Variants in PPP1R13B observed in about 807,000 individuals in gnomAD.
PPP1R13B encodes apoptosis-stimulating of p53 protein 1.
PPP1R13B carries 44 observed loss-of-function variants against 119.8 expected under a neutral mutation model. That is an observed-to-expected ratio of 0.37 (90% confidence interval 0.29 to 0.47). The LOEUF is 0.47. PPP1R13B is among the 20% of genes least tolerant of loss of function. The probability of loss-of-function intolerance (pLI) is 0.99; values close to 1 mark genes in which losing one functional copy is unlikely to be tolerated. For synonymous variants in PPP1R13B, 542 were observed against 561.5 expected, an observed-to-expected ratio of 0.97 and a Z score of 0.49; for missense variants, 1,227 against 1,413.5, an observed-to-expected ratio of 0.87 and a Z score of 2.12.
intron 1 of PPP1R13B, 61 bp downstream of exon 1, chr14:103,847,238 G>A (rs2087069557): frequency 2.7e-6 from 3 of 1,120,734 alleles, no homozygotes; most frequent in East Asian, 5.2e-5. Context: ...GCGGGAGGAA[G>A]GAGGTTTGGC....
intron 3 of PPP1R13B, among the ~76,000 whole-genome samples, chr14:103,783,260 T>C (rs889950357): frequency 1.3e-5 from 2 of 152,136 alleles, no homozygotes; most frequent in African/African-American, 4.8e-5. Context: ...GGTTTTGTTT[T>C]ATTTATATGT....
chr14:103,754,058 G>C lies in PPP1R13B; in HGVS notation c.631+12C>G. On this transcript the variant is annotated intron_variant, in intron 6 of 16. Coordinates refer to ENST00000202556, the MANE Select transcript of PPP1R13B (RefSeq NM_015316.3). The stretch of plus-strand genomic sequence containing the variant: ...GTGAGAGTGGTGTCGAGGGGGTGTT[G>C]CAGGCACGTACACAGATTGCCGTTC... 1 of 1,611,102 alleles carries C rather than the reference G, an allele frequency of 6.2e-7. No individual in the cohort carries two copies. The highest frequency in any genetic ancestry group is 8.5e-7 in the Non-Finnish European group (1 of 1,178,034).
At chr14:103,789,288 G>A (rs533065716) in intron 2 of PPP1R13B, among the ~76,000 whole-genome samples, 6 of 151,958 alleles carry the variant, frequency 3.9e-5, no homozygotes, top group Non-Finnish European at 7.4e-5. Flanking sequence ...GCATGATCTC[G>A]GCTCACTGCA....
chr14:103,739,318 G>A (rs1024184872), intron 12 of PPP1R13B: 1 of 393,144 alleles, frequency 2.5e-6, no homozygotes, highest in South Asian at 6.7e-5. Context: ...GGGAGGGAGG[G>A]TGGCGTGTGA....
chr14:103,796,284 A>AAAAT (rs1036328319), intron 2 of PPP1R13B, among the ~76,000 whole-genome samples: 76 of 152,228 alleles, frequency 5.0e-4, no homozygotes, highest in African/African-American at 8.9e-4. Context: ...CACTGTCTCA[A>AAAAT]AAATAAATAA....
chr14:103,841,917 C>T (rs1268658468), intron 1 of PPP1R13B, among the ~76,000 whole-genome samples: 1 of 152,208 alleles, frequency 6.6e-6, no homozygotes, highest in African/African-American at 2.4e-5. Flanking sequence ...ACCACATCCA[C>T]CTCATTTTAC....
chr14:103,838,050 C>T (rs1358522273), intron 1 of PPP1R13B, among the ~76,000 whole-genome samples: 3 of 151,318 alleles, frequency 2.0e-5, no homozygotes, highest in Admixed American at 6.6e-5. Flanking sequence ...ACCTAGGAGG[C>T]GAAGGTTGCA....
In PPP1R13B at chr14:103,736,046, C is replaced by T. The variant is rs371159743; in HGVS notation, c.3188G>A (p.Arg1063His). 38 of 1,614,078 alleles carry T rather than the reference C, an allele frequency of 2.4e-5. No homozygotes were observed. The highest frequency in any genetic ancestry group is 5.3e-5 in the African/African-American group (4 of 74,934). ...CACATAGCCCTCCCGGTCTCCAAGG[C>T]GAGCCCACCACCACTCAGTCTCGCT... is the stretch of plus-strand genomic sequence containing the variant. ...DESETEWWWA[R>H]LGDREGYVPK... The change falls in exon 16 of 17, where the codon CGC (arginine) becomes CAC (histidine). Residue 1063 changes from arginine to histidine, a missense_variant. By Grantham distance (29) the Arg-to-His change is conservative. Transcript: ENST00000202556.
chr14:103,740,265 GGGGCCCTC>G lies in PPP1R13B; in HGVS notation c.2143_2150del (p.Glu715ArgfsTer67). 1 of 1,602,868 alleles carries G rather than the reference GGGGCCCTC, an allele frequency of 6.2e-7. No individual in the cohort carries two copies. Among genetic ancestry groups the G allele is most frequent in the African/African-American group, 1.3e-5 (1 of 74,582 alleles). On this transcript the variant is annotated frameshift_variant, in exon 12 of 17. Transcript: ENST00000202556. LOFTEE classifies it high-confidence loss of function. The surrounding 1 kb of genome is among the most constrained non-coding windows in gnomAD (Gnocchi z 4.6). ...GCAGCTTCTGGATGTTGGGCCCGCC[GGGGCCCTC>G]GGGCTCTGTGATGGAGCTGCGCTTT...
At chr14:103,811,105 A>G (rs2086144716) in intron 1 of PPP1R13B, among the ~76,000 whole-genome samples, 1 of 148,670 alleles carries the variant, frequency 6.7e-6, no homozygotes, top group South Asian at 2.1e-4. Context: ...AAAAAAAAAA[A>G]AAAAAAAAAA....
Position 103,746,291 on chromosome 14 carries a change from T to TGGGGGGGGGGGGGGGGGGGGGGGGGGGG in PPP1R13B, c.1150+81_1150+82insCCCCCCCCCCCCCCCCCCCCCCCCCCCC. ...TGTGTGGGGCAGAGCCTCAGGAGCC[T>TGGGGGGGGGGGGGGGGGGGGGGGGGGGG]GCCCCACCCCCCGCCCCTCCACCGC... is the stretch of plus-strand genomic sequence containing the variant. On this transcript the variant is annotated intron_variant, in intron 9 of 16. Transcript: ENST00000202556. 49 of 272,100 alleles carry TGGGGGGGGGGGGGGGGGGGGGGGGGGGG rather than the reference T, an allele frequency of 1.8e-4. 15 individuals are homozygous for TGGGGGGGGGGGGGGGGGGGGGGGGGGGG. Among genetic ancestry groups the TGGGGGGGGGGGGGGGGGGGGGGGGGGGG allele is most frequent in the Non-Finnish European group, 3.3e-4 (44 of 133,690 alleles). 16.9% of individuals were successfully genotyped at this position (272,100 alleles called of 1,614,324 possible). A position where few individuals can be genotyped will look rare whatever the true frequency, so the allele number is the denominator to read the frequency against.
chr14:103,760,092 G>A lies in PPP1R13B; in HGVS notation c.355-2341C>T, dbSNP rs186873603. ...GTGTGATTTAATTGTATTTAAATGG[G>A]TTATAAAAACATAAGCTACCATAAA... On this transcript the variant is annotated intron_variant, in intron 4 of 16. Coordinates refer to ENST00000202556, the MANE Select transcript of PPP1R13B (RefSeq NM_015316.3). Among the ~76,000 whole-genome samples the A allele has an allele frequency of 8.2e-4, 125 of 151,968 alleles. 1 individual carries two copies. Among genetic ancestry groups the A allele is most frequent in the African/African-American group, 2.9e-3 (121 of 41,534 alleles).
intron 1 of PPP1R13B, among the ~76,000 whole-genome samples, chr14:103,818,958 G>C (rs559326823): frequency 6.6e-6 from 1 of 152,334 alleles, no homozygotes; most frequent in South Asian, 2.1e-4. Flanking sequence ...TCAATAAGTG[G>C]TTAGAAAAAG....
intron 4 of PPP1R13B, among the ~76,000 whole-genome samples, chr14:103,775,982 T>G (rs956246024): frequency 6.6e-6 from 1 of 152,018 alleles, no homozygotes. Context: ...GGCTCTGCAG[T>G]GGATAATACC....
chr14:103,848,248 CCCACCTGTG>C (rs1214949507), upstream of PPP1R13B: 2 of 985,404 alleles, frequency 2.0e-6, no homozygotes, highest in Non-Finnish European at 2.4e-6. Context: ...GAACCCCGCG[CCCACCTGTG>C]CCACCTGTGC....
At chr14:103,815,749 C>A (rs1364863062) in intron 1 of PPP1R13B, among the ~76,000 whole-genome samples, 1 of 150,702 alleles carries the variant, frequency 6.6e-6, no homozygotes, top group African/African-American at 2.4e-5. Flanking sequence ...GAGTGAAACT[C>A]CATCTCAAAA....
At chr14:103,789,343 C>CA (rs2085555300) in intron 2 of PPP1R13B, among the ~76,000 whole-genome samples, 1 of 147,550 alleles carries the variant, frequency 6.8e-6, no homozygotes, top group Non-Finnish European at 1.5e-5. Context: ...CTCAGCCTCC[C>CA]GAGTAGCTGG....
At chr14:103,846,541 A>G (rs780859220) in intron 1 of PPP1R13B, among the ~76,000 whole-genome samples, 3 of 152,188 alleles carry the variant, frequency 2.0e-5, no homozygotes, top group Admixed American at 6.5e-5. Context: ...ACATTTTTTC[A>G]TAAGTCATGA....
chr14:103,801,269 T>C (rs539001143), intron 1 of PPP1R13B, among the ~76,000 whole-genome samples: 7 of 152,300 alleles, frequency 4.6e-5, no homozygotes, highest in Non-Finnish European at 7.3e-5. Context: ...AAGCAGGAGA[T>C]AGGTTTCTTA....
Sources: allele counts gnomAD v4.1 joint callset (sites outside exome capture counted in the v4.1 genomes callset), GRCh38; gene constraint gnomAD v4.1.1; non-coding constraint Gnocchi (gnomAD v3.1); transcripts MANE v1.5; gene names NCBI Gene and HGNC (gene_info 2026-07-23, HGNC 2026-07-21).